NEO1: variants seen among roughly 807,000 people sequenced by gnomAD.
NEO1 encodes the protein neogenin.
A neutral mutation model predicts 159.7 loss-of-function variants in NEO1; 63 were observed. That is an observed-to-expected ratio of 0.39 (90% CI 0.32 to 0.49). The LOEUF is 0.49. NEO1 is among the 20% of genes least tolerant of loss of function. NEO1 has a pLI of 0.85. For synonymous variants in NEO1, 633 were observed against 662.0 expected (o/e 0.96, Z 0.67); for missense variants, 1,615 against 1,831.0 (o/e 0.88, Z 2.15).
intron 1 of NEO1, among the ~76,000 whole-genome samples, chr15:73,096,212 A>G (rs1223255454): frequency 6.6e-6 from 1 of 152,224 alleles, no homozygotes; most frequent in Non-Finnish European, 1.5e-5. Flanking sequence ...AGCAAACACA[A>G]TAGATATCTC....
At position 73,303,873 on chromosome 15, in the gene NEO1, C is replaced by G. The variant is rs2042703579; in HGVS notation, c.*1177C>G. 1 of 152,162 alleles carries G rather than the reference C, an allele frequency of 6.6e-6. No individual in the cohort carries two copies. Among genetic ancestry groups the G allele is most frequent in the Non-Finnish European group, 1.5e-5 (1 of 68,056 alleles). The allele number at this position is 152,162 out of a possible 1,614,324, so 9.4% of individuals were successfully genotyped here. On this transcript the variant is annotated 3_prime_UTR_variant, in exon 29 of 29. Coordinates refer to ENST00000261908, the MANE Select transcript of NEO1 (RefSeq NM_002499.4). The stretch of plus-strand genomic sequence containing the variant: ...CCCTTTCCTGCTGCTATTATTGGCT[C>G]TCTTTGAGGAAGTTGGAGGTTAAGG...
chr15:73,116,708 G>A lies in NEO1; in HGVS notation c.299G>A (p.Arg100Gln), dbSNP rs758946167. Residue 100 changes from arginine (R) to glutamine (Q), a missense_variant, in exon 2 of 29, where the codon CGA becomes CAA. Arg to Gln is a conservative substitution (Grantham distance 43). Around this residue, in one of 3 missense-constraint regions of NEO1, gnomAD observed 1,018 missense variants for 1,115.4 expected, o/e 0.91. Transcript: ENST00000261908. ...TTTTTAAACTTAGTATCAGATGATCGACGCCAGCTTCTCCCGGATGGATCT... is the reference window on the plus strand; with the variant it reads ...TTTTTAAACTTAGTATCAGATGATCAACGCCAGCTTCTCCCGGATGGATCT... ...GTFLNLVSDD[R>Q]RQLLPDGSLF... 7 of 1,613,884 alleles carry A rather than the reference G, an allele frequency of 4.3e-6. No homozygotes were observed. Among genetic ancestry groups the A allele is most frequent in the Non-Finnish European group, 5.9e-6 (7 of 1,179,922 alleles).
chr15:73,153,403 T>G (rs1567327303), intron 5 of NEO1, among the ~76,000 whole-genome samples: 1 of 151,776 alleles, frequency 6.6e-6, no homozygotes, highest in Non-Finnish European at 1.5e-5. Context: ...AATTACAAAA[T>G]CTAATCACTG....
intron 5 of NEO1, among the ~76,000 whole-genome samples, chr15:73,172,986 G>C (rs1036308033): frequency 6.6e-6 from 1 of 152,188 alleles, no homozygotes; most frequent in African/African-American, 2.4e-5. Flanking sequence ...ACTTTGGCAC[G>C]AGTGACTGCA....
Position 73,254,884 on chromosome 15 carries a change from A to G in NEO1, c.2092+55A>G. ...ACACTGTGTCTTTCTCAGATATTGAATTATGCTAGTCTAATGACTGCTCTG... is the reference window on the plus strand; with the variant it reads ...ACACTGTGTCTTTCTCAGATATTGAGTTATGCTAGTCTAATGACTGCTCTG... On this transcript the variant is annotated intron_variant, in intron 13 of 28. Coordinates refer to ENST00000261908, the MANE Select transcript of NEO1 (RefSeq NM_002499.4). The G allele has an allele frequency of 1.9e-6, 3 of 1,568,294 alleles. No homozygotes were observed. The East Asian group carries it at 6.8e-5, about 35-fold the overall frequency.
rs779275916 is a variant in NEO1, at chr15:73,178,336, G to C, written c.1200G>C (p.Leu400=). The C allele has an allele frequency of 6.2e-7, 1 of 1,613,282 alleles. No homozygotes were observed. Among genetic ancestry groups the C allele is most frequent in the Non-Finnish European group, 8.5e-7 (1 of 1,179,508 alleles). ...VKEHNLQVLG[L]VKSDEGFYQC... ...AACATAATCTTCAAGTTTTGGGTCT[G>C]GTGAAATCAGATGAAGGGTTCTATC... Residue 400 remains leucine, a synonymous_variant, in exon 7 of 29, where the codon CTG becomes CTC. Coordinates refer to ENST00000261908, the MANE Select transcript of NEO1 (RefSeq NM_002499.4).
chr15:73,197,046 T>G (rs959521343), intron 7 of NEO1, among the ~76,000 whole-genome samples: 30 of 152,192 alleles, frequency 2.0e-4, no homozygotes, highest in Admixed American at 1.8e-3. Context: ...CTACCTTATC[T>G]GTCAGTTTCT....
chr15:73,088,068 T>G (rs1285916216), intron 1 of NEO1, among the ~76,000 whole-genome samples: 2 of 152,060 alleles, frequency 1.3e-5, no homozygotes, highest in Non-Finnish European at 2.9e-5. Context: ...TATATATACG[T>G]TTTTACTCTA....
At chr15:73,054,090 C>T (rs1207956268) in intron 1 of NEO1, among the ~76,000 whole-genome samples, 1 of 152,276 alleles carries the variant, frequency 6.6e-6, no homozygotes. Flanking sequence ...ATGATGTACC[C>T]TTATACATTC....
intron 7 of NEO1, among the ~76,000 whole-genome samples, chr15:73,182,639 A>T (rs1270505978): frequency 7.0e-6 from 1 of 143,806 alleles, no homozygotes; most frequent in Non-Finnish European, 1.6e-5. Context: ...GTGGCAGACA[A>T]GAGAGAATGG....
chr15:73,077,582 C>T (rs2068835144), intron 1 of NEO1, among the ~76,000 whole-genome samples: 1 of 152,142 alleles, frequency 6.6e-6, no homozygotes, highest in Admixed American at 6.5e-5. Flanking sequence ...AAGGAGAAGT[C>T]CAGTCTATTT....
chr15:73,244,870 A>T (rs2039674059), intron 9 of NEO1, among the ~76,000 whole-genome samples: 1 of 143,470 alleles, frequency 7.0e-6, no homozygotes, highest in Non-Finnish European at 1.5e-5. Flanking sequence ...CAGGAGAATC[A>T]CCTGAACCCA....
intron 5 of NEO1, among the ~76,000 whole-genome samples, chr15:73,157,176 C>T (rs1435440026): frequency 1.3e-5 from 2 of 152,198 alleles, no homozygotes; most frequent in Non-Finnish European, 2.9e-5. Context: ...TCCTCCTGCT[C>T]AGGTCCCAAG....
In NEO1 at chr15:73,258,760, TC is replaced by T; in HGVS notation, c.2093-5del. 2 of 1,610,594 alleles carry T rather than the reference TC, an allele frequency of 1.2e-6. No homozygotes were observed. Among genetic ancestry groups the T allele is most frequent in the Non-Finnish European group, 1.7e-6 (2 of 1,176,844 alleles). On this transcript the variant is annotated splice_region_variant and splice_polypyrimidine_tract_variant and intron_variant, in intron 13 of 28. Transcript: ENST00000261908. Reference sequence around the variant, plus strand: ...TTCAGTTGTCTTCTTTGTCATTTGGTCTCAGGTCTTGATCGGGGGACTGAGT... The same window carrying T: ...TTCAGTTGTCTTCTTTGTCATTTGGTTCAGGTCTTGATCGGGGGACTGAGT...
chr15:73,091,381 A>G (rs2069681338), intron 1 of NEO1, among the ~76,000 whole-genome samples: 1 of 152,162 alleles, frequency 6.6e-6, no homozygotes, highest in Admixed American at 6.5e-5. Context: ...TGTTTATACA[A>G]ACTTTTTTTT....
intron 7 of NEO1, among the ~76,000 whole-genome samples, chr15:73,184,932 G>C (rs534591580): frequency 6.6e-6 from 1 of 150,762 alleles, no homozygotes; most frequent in South Asian, 2.1e-4. Flanking sequence ...TGTCTCAAAA[G>C]AAAAAAAGAA....
At chr15:73,157,509 C>T (rs1300190309) in intron 5 of NEO1, among the ~76,000 whole-genome samples, 1 of 152,226 alleles carries the variant, frequency 6.6e-6, no homozygotes, top group Non-Finnish European at 1.5e-5. Context: ...CTGGATTGTA[C>T]AATTCCCCTG....
chr15:73,130,308 G>GCCGC lies in NEO1; in HGVS notation c.878+3740_878+3741insGCCC, dbSNP rs145138188. On this transcript the variant is annotated intron_variant, in intron 4 of 28. Coordinates refer to ENST00000261908, the MANE Select transcript of NEO1 (RefSeq NM_002499.4). ...GTTAGTTCTGTGGGCTCAGTTTCCC[G>GCCGC]CCCCCCCCGCCGCATAAGACCCTTT... 2.5e-4 allele frequency among the ~76,000 whole-genome samples: 37 copies of GCCGC among 146,160 alleles called. 1 individual carries two copies. Among genetic ancestry groups the GCCGC allele is most frequent in the Admixed American group, 2.0e-3 (30 of 14,656 alleles).
intron 5 of NEO1, among the ~76,000 whole-genome samples, chr15:73,163,771 G>T (rs925261922): frequency 1.3e-5 from 2 of 152,122 alleles, no homozygotes; most frequent in African/African-American, 2.4e-5. Context: ...TGATTGGGAA[G>T]GCTGTAACAT....
Sources: allele counts gnomAD v4.1 joint callset (sites outside exome capture counted in the v4.1 genomes callset), GRCh38; gene constraint gnomAD v4.1.1; regional missense constraint gnomAD v4.1.1; transcripts MANE v1.5; gene names NCBI Gene and HGNC (gene_info 2026-07-23, HGNC 2026-07-21).